The following IGSF11 variants were observed in gnomAD, a reference collection of about 807,000 sequenced individuals.
The protein encoded by IGSF11 is CXADR like 1.
A neutral mutation model predicts 41.0 loss-of-function variants in IGSF11; 22 were observed. The ratio of observed to expected loss-of-function variants is 0.54; its 90% CI spans 0.38 to 0.77. IGSF11 has a LOEUF of 0.77. Among genes scored for constraint, IGSF11 ranks in the 30% least tolerant of loss-of-function variants. IGSF11 has a pLI of 0.00. For synonymous variants in IGSF11, 219 were observed against 201.3 expected (o/e 1.09, Z -0.74); for missense variants, 444 against 530.8 (o/e 0.84, Z 1.61).
At position 118,908,783 on chromosome 3, in the gene IGSF11, CCTTT is replaced by C. The variant is rs1018245521; in HGVS notation, c.581-3069_581-3066del. Among the ~76,000 whole-genome samples, 5 of 152,314 alleles carry C rather than the reference CCTTT, an allele frequency of 3.3e-5. 1 individual carries two copies. The highest frequency in any genetic ancestry group is 1.9e-4 in the East Asian group (1 of 5,180). On this transcript the variant is annotated intron_variant, in intron 4 of 6. Transcript: ENST00000393775. ...TGTTAGTGTACATTTCCAGTTCCAT[CCTTT>C]CTCCTTAGTTCCAGAATGCTGCCTC... is the stretch of plus-strand genomic sequence containing the variant.
intron 1 of IGSF11, among the ~76,000 whole-genome samples, chr3:119,114,688 C>T (rs2077231819): frequency 6.6e-6 from 1 of 152,298 alleles, no homozygotes; most frequent in Admixed American, 6.5e-5. Flanking sequence ...TTTTTCTGAG[C>T]CCTCCCAAAT....
intron 1 of IGSF11, among the ~76,000 whole-genome samples, chr3:118,997,155 C>T (rs1279365796): frequency 1.3e-5 from 2 of 152,042 alleles, no homozygotes; most frequent in African/African-American, 4.8e-5. Context: ...GATCCTGAAT[C>T]CAAACTGACA....
intron 1 of IGSF11, among the ~76,000 whole-genome samples, chr3:119,069,218 G>A (rs898626259): frequency 3.9e-5 from 6 of 152,160 alleles, no homozygotes; most frequent in African/African-American, 1.4e-4. Context: ...GTGAGCCACT[G>A]TGCCTGGCCA....
upstream of IGSF11, among the ~76,000 whole-genome samples, chr3:119,038,191 G>C (rs774326638): frequency 6.6e-5 from 10 of 151,966 alleles, no homozygotes; most frequent in Non-Finnish European, 1.0e-4. Flanking sequence ...AAACAAAATA[G>C]TGGCATCATT....
At chr3:118,947,162 A>G (rs9828870) in intron 1 of IGSF11, 11,911 of 152,270 alleles carry the variant, frequency 0.078, 664 homozygotes, top group Admixed American at 0.16. Flanking sequence ...TAAGAACTAG[A>G]GAGGGAGCCT....
chr3:119,106,740 C>T (rs1469801280), upstream of IGSF11, among the ~76,000 whole-genome samples: 1 of 152,062 alleles, frequency 6.6e-6, no homozygotes, highest in African/African-American at 2.4e-5. Flanking sequence ...CTCCCCCCTC[C>T]TCCCACCCCA....
At chr3:118,933,470 T>TTTTATATATATATATA (rs1553754814) in intron 1 of IGSF11, among the ~76,000 whole-genome samples, 2 of 146,148 alleles carry the variant, frequency 1.4e-5, no homozygotes, top group Non-Finnish European at 3.0e-5. Context: ...CATGTATTTT[T>TTTTATATATATATATA]TATATATATA....
intron 1 of IGSF11, among the ~76,000 whole-genome samples, chr3:119,098,581 A>G (rs1474126282): frequency 6.6e-6 from 1 of 152,242 alleles, no homozygotes; most frequent in African/African-American, 2.4e-5. Flanking sequence ...TAAGAAATGA[A>G]GCCAAAAACC....
intron 1 of IGSF11, among the ~76,000 whole-genome samples, chr3:119,082,247 A>G (rs1201263786): frequency 6.6e-6 from 1 of 152,206 alleles, no homozygotes; most frequent in African/African-American, 2.4e-5. Flanking sequence ...AAAAAATGGC[A>G]ACATAAAAGT....
At position 119,080,580 on chromosome 3, in the gene IGSF11, A is replaced by AT. The variant is rs1176369002; in HGVS notation, c.49+24563dup. Among the ~76,000 whole-genome samples the AT allele has an allele frequency of 3.9e-5, 6 of 152,312 alleles. No individual in the cohort carries two copies. In the South Asian group the frequency reaches 8.3e-4, roughly 21 times the overall value. The stretch of plus-strand genomic sequence containing the variant: ...GAGGGGCAGAAGCCTGAGATGGTGT[A>AT]TTTTTAGTCATTTTGATTAAATTAT... On this transcript the variant is annotated intron_variant, in intron 1 of 6. Transcript: ENST00000354673.
chr3:119,061,245 G>A (rs556158486), intron 1 of IGSF11, among the ~76,000 whole-genome samples: 7 of 151,846 alleles, frequency 4.6e-5, no homozygotes, highest in South Asian at 2.1e-4. Context: ...CTTCTTATGC[G>A]CCATTTCATA....
At chr3:118,939,854 T>A (rs1943551284) in intron 1 of IGSF11, among the ~76,000 whole-genome samples, 1 of 152,056 alleles carries the variant, frequency 6.6e-6, no homozygotes. Context: ...AAGCAAAGTA[T>A]CAAGACAGAG....
intron 1 of IGSF11, chr3:118,947,150 C>T (rs1231797752): frequency 1.3e-5 from 2 of 152,214 alleles, no homozygotes; most frequent in Non-Finnish European, 2.9e-5. Context: ...CCTCCAGCCC[C>T]CTAAGAACTA....
intron 1 of IGSF11, among the ~76,000 whole-genome samples, chr3:119,044,639 G>T (rs1214610091): frequency 6.6e-6 from 1 of 152,120 alleles, no homozygotes; most frequent in Non-Finnish European, 1.5e-5. Context: ...ATGAAGAAAA[G>T]AATCTTAAGA....
At chr3:119,112,702 C>G (rs9865827) in intron 1 of IGSF11, 4,594 of 154,472 alleles carry the variant, frequency 0.03, 215 homozygotes, top group African/African-American at 0.11. Context: ...ACACTGGGAG[C>G]TGTAGACCGG....
intron 1 of IGSF11, among the ~76,000 whole-genome samples, chr3:119,123,923 A>C (rs2107532206): frequency 6.6e-6 from 1 of 152,328 alleles, no homozygotes; most frequent in East Asian, 1.9e-4. Flanking sequence ...GAAGACTACA[A>C]TAAATACCTA....
At chr3:119,067,636 G>C (rs762897437) in intron 1 of IGSF11, among the ~76,000 whole-genome samples, 10 of 151,458 alleles carry the variant, frequency 6.6e-5, no homozygotes, top group Non-Finnish European at 1.0e-4. Flanking sequence ...AAAAACTTTA[G>C]ATTTTTTTTT....
intron 1 of IGSF11, among the ~76,000 whole-genome samples, chr3:119,133,477 G>T (rs2077513276): frequency 6.6e-6 from 1 of 152,132 alleles, no homozygotes; most frequent in African/African-American, 2.4e-5. Flanking sequence ...TAGAAGAAAT[G>T]GATAAATTCC....
intron 2 of IGSF11, 107 bp downstream of exon 2, chr3:118,930,005 A>G (rs1045856533): frequency 1.8e-6 from 2 of 1,135,598 alleles, no homozygotes; most frequent in African/African-American, 3.1e-5. Flanking sequence ...GCACATTGAC[A>G]ATGCCACCTT....
Sources: gnomAD v4.1 joint callset for allele counts (sites outside exome capture counted in the v4.1 genomes callset) on GRCh38, gnomAD v4.1.1 for gene constraint, MANE v1.5 for transcripts, NCBI Gene and HGNC (gene_info 2026-07-23, HGNC 2026-07-21) for gene names.